RTKN2: variants seen among roughly 807,000 people sequenced by gnomAD.
RTKN2 encodes the protein rhotekin 2.
RTKN2 carries 69 observed loss-of-function variants against 71.5 expected under a neutral mutation model. That is an observed-to-expected ratio of 0.96 (90% CI 0.79 to 1.18). RTKN2 has a LOEUF of 1.18. Ranked by LOEUF, RTKN2 falls within the 50% of genes most tolerant of loss-of-function variation. The pLI is 0.00. For missense variants in RTKN2, 724 were observed against 719.7 expected, an observed-to-expected ratio of 1.01 and a Z score of -0.07; for synonymous variants, 236 against 236.5, an observed-to-expected ratio of 1.00 and a Z score of 0.02.
intron 9 of RTKN2, among the ~76,000 whole-genome samples, chr10:62,209,262 C>G (rs928455935): frequency 6.6e-6 from 1 of 151,718 alleles, no homozygotes; most frequent in African/African-American, 2.4e-5. Flanking sequence ...GAGCGAAACT[C>G]CATCTCAAAA....
chr10:62,241,225 T>G (rs927683928), intron 3 of RTKN2, 30 bp from the exon 4 acceptor site: 2 of 1,440,742 alleles, frequency 1.4e-6, no homozygotes, highest in African/African-American at 1.4e-5. Flanking sequence ...AAATGACAAG[T>G]AATAATTTTG....
chr10:62,226,018 A>G (rs1032126786), intron 6 of RTKN2, among the ~76,000 whole-genome samples: 8 of 152,010 alleles, frequency 5.3e-5, no homozygotes, highest in Non-Finnish European at 1.0e-4. Flanking sequence ...TCCTGACCTC[A>G]TGATCCACCT....
At position 62,193,779 on chromosome 10, in the gene RTKN2, T is replaced by A. The variant is rs1228653900; in HGVS notation, c.*4129A>T. The stretch of plus-strand genomic sequence containing the variant: ...CTGGATCACTAAACTAAAAGTAAGG[T>A]TATGTCAATGGATTTTTAAAAGAGT... On this transcript the variant is annotated 3_prime_UTR_variant, in exon 12 of 12. Coordinates refer to ENST00000373789, the MANE Select transcript of RTKN2 (RefSeq NM_145307.4). The A allele has an allele frequency of 1.0e-6, 1 of 984,506 alleles. No homozygotes were observed. The highest frequency in any genetic ancestry group is 1.7e-5 in the African/African-American group (1 of 57,214). 61.0% of individuals were successfully genotyped at this position (984,506 alleles called of 1,614,324 possible). A position where few individuals can be genotyped will look rare whatever the true frequency, so the allele number is the denominator to read the frequency against.
At chr10:62,215,341 T>A (rs1214902226) in intron 9 of RTKN2, among the ~76,000 whole-genome samples, 1 of 151,862 alleles carries the variant, frequency 6.6e-6, no homozygotes, top group African/African-American at 2.4e-5. Flanking sequence ...TTAAAAAATG[T>A]CAATGTAATG....
At chr10:62,204,539 C>T (rs1289591457) in intron 10 of RTKN2, among the ~76,000 whole-genome samples, 3 of 152,102 alleles carry the variant, frequency 2.0e-5, no homozygotes, top group African/African-American at 7.2e-5. Flanking sequence ...GCTTCTTATC[C>T]CTTGGATCAA....
At chr10:62,221,430 A>G (rs1211008534) in intron 7 of RTKN2, among the ~76,000 whole-genome samples, 1 of 152,132 alleles carries the variant, frequency 6.6e-6, no homozygotes, top group African/African-American at 2.4e-5. Context: ...CTAAATACAC[A>G]GCTATTTGAT....
chr10:62,224,694 G>T (rs190765560), intron 6 of RTKN2, among the ~76,000 whole-genome samples: 2 of 152,208 alleles, frequency 1.3e-5, no homozygotes, highest in East Asian at 3.9e-4. Context: ...AGGACCTGTG[G>T]TAGGTAGGTG....
At chr10:62,228,280 T>G (rs1842072606) in intron 6 of RTKN2, among the ~76,000 whole-genome samples, 1 of 152,002 alleles carries the variant, frequency 6.6e-6, no homozygotes, top group Non-Finnish European at 1.5e-5. Flanking sequence ...GTTACTGAGG[T>G]GGAAGAAAAA....
chr10:62,237,279 C>G (rs1240030527), intron 5 of RTKN2, among the ~76,000 whole-genome samples: 1 of 151,452 alleles, frequency 6.6e-6, no homozygotes, highest in Non-Finnish European at 1.5e-5. Flanking sequence ...TGCAGGGGAG[C>G]CAAGAGAAGA....
At chr10:62,221,397 C>A (rs1589353179) in intron 7 of RTKN2, among the ~76,000 whole-genome samples, 1 of 151,866 alleles carries the variant, frequency 6.6e-6, no homozygotes. Context: ...AAACAGAAAA[C>A]ACAGGTTATC....
At chr10:62,255,723 G>T (rs1474687286) in intron 2 of RTKN2, among the ~76,000 whole-genome samples, 1 of 152,170 alleles carries the variant, frequency 6.6e-6, no homozygotes, top group Non-Finnish European at 1.5e-5. Context: ...ACTGCAAAGG[G>T]AAAACCATTT....
intron 9 of RTKN2, among the ~76,000 whole-genome samples, chr10:62,207,299 T>G (rs911814943): frequency 3.9e-5 from 6 of 152,046 alleles, no homozygotes; most frequent in Admixed American, 3.9e-4. Context: ...TATACTCCAT[T>G]AATTCTGGTA....
rs948797737 is a variant in RTKN2, at chr10:62,195,047, T to G, written c.*2861A>C. On this transcript the variant is annotated 3_prime_UTR_variant, in exon 12 of 12. Coordinates refer to ENST00000373789, the MANE Select transcript of RTKN2 (RefSeq NM_145307.4). ...ATTTTAAAAATGCCTTCTTTGCCCTTGCAAGATATTAAAATACAAAAGTTA... is the reference window on the plus strand; with the variant it reads ...ATTTTAAAAATGCCTTCTTTGCCCTGGCAAGATATTAAAATACAAAAGTTA... 17 of 984,828 alleles carry G rather than the reference T, an allele frequency of 1.7e-5. No individual in the cohort carries two copies. In the Admixed American group the frequency reaches 4.3e-4, roughly 25 times the overall value. The allele number at this position is 984,828 out of a possible 1,614,324, so 61.0% of individuals were successfully genotyped here.
chr10:62,184,420 C>G, intron 8 of RTKN2: 1 of 1,198,076 alleles, frequency 8.3e-7, no homozygotes, highest in Non-Finnish European at 1.2e-6. Flanking sequence ...TTTAGTCACC[C>G]ACAGAGGTAA....
At chr10:62,247,467 C>A (rs1298143218) in intron 2 of RTKN2, among the ~76,000 whole-genome samples, 2 of 151,846 alleles carry the variant, frequency 1.3e-5, no homozygotes, top group Non-Finnish European at 2.9e-5. Flanking sequence ...TCTCAGAATT[C>A]TACCTAATTA....
At chr10:62,247,748 A>G (rs1018171663) in intron 2 of RTKN2, among the ~76,000 whole-genome samples, 1 of 152,058 alleles carries the variant, frequency 6.6e-6, no homozygotes, top group Non-Finnish European at 1.5e-5. Context: ...AATCAAACAC[A>G]AATCTCAATT....
chr10:62,238,768 C>T (rs4979782), intron 5 of RTKN2: 82,630 of 151,542 alleles, frequency 0.55, 23,518 homozygotes, highest in East Asian at 0.89. Context: ...ATATGGTTTA[C>T]TATAGGTTTT....
intron 2 of RTKN2, among the ~76,000 whole-genome samples, chr10:62,255,092 G>A (rs1325825376): frequency 6.6e-6 from 1 of 152,122 alleles, no homozygotes; most frequent in African/African-American, 2.4e-5. Context: ...CAACTTTTCT[G>A]TATGTTGGAA....
chr10:62,196,097 C>T lies in RTKN2; in HGVS notation c.*1811G>A, dbSNP rs930166843. On this transcript the variant is annotated 3_prime_UTR_variant, in exon 12 of 12. Coordinates refer to ENST00000373789, the MANE Select transcript of RTKN2 (RefSeq NM_145307.4). ...AGCTTCAAAACAATTTTCCCTGCAG[C>T]ATCTTCTAGCTCAATAATTTAGTGG... 15 of 985,080 alleles carry T rather than the reference C, an allele frequency of 1.5e-5. No homozygotes were observed. In the Admixed American group the frequency reaches 1.8e-4, roughly 12 times the overall value. 61.0% of individuals were successfully genotyped at this position (985,080 alleles called of 1,614,324 possible). A position where few individuals can be genotyped will look rare whatever the true frequency, so the allele number is the denominator to read the frequency against.
Sources: gnomAD v4.1 joint callset for allele counts (sites outside exome capture counted in the v4.1 genomes callset) on GRCh38, gnomAD v4.1.1 for gene constraint, MANE v1.5 for transcripts, NCBI Gene and HGNC (gene_info 2026-07-23, HGNC 2026-07-21) for gene names.